The following CRPPA variants were observed in gnomAD, a reference collection of about 807,000 sequenced individuals.
CRPPA encodes the protein D-ribitol-5-phosphate cytidylyltransferase.
CRPPA carries 43 observed loss-of-function variants against 52.0 expected under a neutral mutation model. The observed-to-expected ratio is 0.83, with a 90% CI of 0.65 to 1.07. The LOEUF (loss-of-function observed/expected upper bound fraction) is 1.07. Among genes scored for constraint, CRPPA ranks in the 50% least tolerant of loss-of-function variants. The pLI is 0.00. For synonymous variants in CRPPA, 250 were observed against 203.5 expected, an observed-to-expected ratio of 1.23 and a Z score of -1.94; for missense variants, 629 against 551.7, an observed-to-expected ratio of 1.14 and a Z score of -1.40.
chr7:16,218,079 T>A (rs1482921410), intron 8 of CRPPA, among the ~76,000 whole-genome samples: 1 of 152,046 alleles, frequency 6.6e-6, no homozygotes, highest in African/African-American at 2.4e-5. Flanking sequence ...CCCATCAGAC[T>A]AACAGCAGAT....
intron 9 of CRPPA, among the ~76,000 whole-genome samples, chr7:16,100,129 T>C (rs1782012914): frequency 6.6e-6 from 1 of 152,208 alleles, no homozygotes; most frequent in African/African-American, 2.4e-5. Context: ...CAATTCTCTT[T>C]CTTTTACTGT....
chr7:16,287,031 T>C (rs1304338924), intron 5 of CRPPA, among the ~76,000 whole-genome samples: 3 of 152,222 alleles, frequency 2.0e-5, no homozygotes, highest in Non-Finnish European at 2.9e-5. Context: ...TTAGTGCTCA[T>C]GTCATACTAT....
intron 9 of CRPPA, among the ~76,000 whole-genome samples, chr7:16,100,329 C>G (rs1782019394): frequency 6.6e-6 from 1 of 152,086 alleles, no homozygotes; most frequent in Non-Finnish European, 1.5e-5. Context: ...CTCAAAATCC[C>G]TAATGTTTTT....
At chr7:16,114,767 T>G (rs1160723045) in intron 9 of CRPPA, among the ~76,000 whole-genome samples, 1 of 152,038 alleles carries the variant, frequency 6.6e-6, no homozygotes, top group Non-Finnish European at 1.5e-5. Flanking sequence ...ATAACTCCTT[T>G]CTCCACCATT....
chr7:16,288,756 A>G (rs367677948), intron 5 of CRPPA, among the ~76,000 whole-genome samples: 4 of 148,838 alleles, frequency 2.7e-5, no homozygotes, highest in East Asian at 2.0e-4. Context: ...CTGAGGTAGG[A>G]AATTGCTTCA....
chr7:16,241,850 C>T (rs536338207), intron 8 of CRPPA, among the ~76,000 whole-genome samples: 4 of 150,910 alleles, frequency 2.7e-5, no homozygotes, highest in African/African-American at 9.7e-5. Context: ...GGTAAAAAAA[C>T]AGCTCTCTGA....
chr7:16,116,339 T>C (rs1446778189), intron 9 of CRPPA, among the ~76,000 whole-genome samples: 1 of 152,072 alleles, frequency 6.6e-6, no homozygotes, highest in East Asian at 1.9e-4. Context: ...CAAATCAGTA[T>C]TTGCCAAAAG....
intron 5 of CRPPA, among the ~76,000 whole-genome samples, chr7:16,284,939 C>T (rs778608787): frequency 1.3e-5 from 2 of 152,084 alleles, no homozygotes; most frequent in Non-Finnish European, 2.9e-5. Context: ...AATTTAACCT[C>T]CTCAATCCCA....
intron 6 of CRPPA, among the ~76,000 whole-genome samples, chr7:16,267,273 A>C (rs973332561): frequency 3.3e-5 from 5 of 152,228 alleles, no homozygotes; most frequent in African/African-American, 1.2e-4. Flanking sequence ...TTATAGCCTA[A>C]TGGGAAAACA....
intron 8 of CRPPA, among the ~76,000 whole-genome samples, chr7:16,240,566 T>TACACACAC (rs1395617388): frequency 2.6e-4 from 21 of 80,168 alleles, no homozygotes; most frequent in African/African-American, 2.0e-4. Flanking sequence ...CATTGGTTAT[T>TACACACAC]ACACATACAC....
rs764154590 is a variant in CRPPA, at chr7:16,216,243, T to A, written c.1120-46A>T. On this transcript the variant is annotated intron_variant, in intron 8 of 9. Coordinates refer to ENST00000407010, the MANE Select transcript of CRPPA (RefSeq NM_001101426.4). ...TATTTAGAATATCATTCCCTTCAAC[T>A]TTCTCTGGAGGGAAAAAACATTAAA... is the stretch of plus-strand genomic sequence containing the variant. The A allele has an allele frequency of 6.2e-6, 8 of 1,288,802 alleles. No homozygotes were observed. The African/African-American group carries it at 1.2e-4, about 19-fold the overall frequency. 79.8% of individuals were successfully genotyped at this position (1,288,802 alleles called of 1,614,324 possible). A position where few individuals can be genotyped will look rare whatever the true frequency, so the allele number is the denominator to read the frequency against.
At chr7:16,161,339 T>C (rs578238055) in intron 9 of CRPPA, among the ~76,000 whole-genome samples, 2 of 152,208 alleles carry the variant, frequency 1.3e-5, no homozygotes, top group South Asian at 2.1e-4. Context: ...ATAGCTCTTA[T>C]TATTTTGAGA....
At chr7:16,209,265 C>A (rs993048989) in intron 9 of CRPPA, 3 of 156,064 alleles carry the variant, frequency 1.9e-5, no homozygotes, top group South Asian at 5.5e-5. Context: ...TAATACGGTT[C>A]TAAGTGTCTT....
chr7:16,399,071 C>A (rs1197530930), intron 2 of CRPPA, among the ~76,000 whole-genome samples: 1 of 152,172 alleles, frequency 6.6e-6, no homozygotes, highest in African/African-American at 2.4e-5. Flanking sequence ...TGGTGCATGA[C>A]CAACACGTGA....
At chr7:16,176,628 G>A (rs1781302231) in intron 9 of CRPPA, among the ~76,000 whole-genome samples, 1 of 152,092 alleles carries the variant, frequency 6.6e-6, no homozygotes, top group South Asian at 2.1e-4. Flanking sequence ...TTTCTTAAGA[G>A]ATGGGTTCTC....
chr7:16,095,981 A>C (rs1286218967), intron 9 of CRPPA, among the ~76,000 whole-genome samples: 1 of 152,132 alleles, frequency 6.6e-6, no homozygotes, highest in Admixed American at 6.6e-5. Flanking sequence ...CAGGAGGTTA[A>C]ATCTGAGTCC....
At chr7:16,396,882 G>A (rs1301747311) in intron 2 of CRPPA, among the ~76,000 whole-genome samples, 1 of 152,270 alleles carries the variant, frequency 6.6e-6, no homozygotes, top group South Asian at 2.1e-4. Context: ...GAAAGCACAT[G>A]TGACAAAAAT....
At chr7:16,124,474 G>T (rs993621712) in intron 9 of CRPPA, among the ~76,000 whole-genome samples, 5 of 152,102 alleles carry the variant, frequency 3.3e-5, no homozygotes, top group African/African-American at 1.2e-4. Flanking sequence ...GAATAAGTCA[G>T]GCATAAAGAG....
intron 3 of CRPPA, among the ~76,000 whole-genome samples, chr7:16,356,321 C>T (rs761327963): frequency 6.6e-6 from 1 of 152,160 alleles, no homozygotes; most frequent in Non-Finnish European, 1.5e-5. Flanking sequence ...AAATATAGCA[C>T]ATCAACAACA....
Sources: gnomAD v4.1 joint callset for allele counts (sites outside exome capture counted in the v4.1 genomes callset) on GRCh38, gnomAD v4.1.1 for gene constraint, MANE v1.5 for transcripts, NCBI Gene and HGNC (gene_info 2026-07-23, HGNC 2026-07-21) for gene names.